Variants in ACAD11 observed in about 807,000 individuals in gnomAD.
ACAD11 encodes the protein acyl-Coenzyme A dehydrogenase family, member 11.
A neutral mutation model predicts 102.2 loss-of-function variants in ACAD11; 83 were observed. The ratio of observed to expected loss-of-function variants is 0.81; its 90% CI spans 0.68 to 0.97. The LOEUF (loss-of-function observed/expected upper bound fraction) is 0.97. Among genes scored for constraint, ACAD11 ranks in the 50% least tolerant of loss-of-function variants. ACAD11 has a pLI of 0.00. For synonymous variants in ACAD11, 324 were observed against 319.8 expected (o/e 1.01, Z -0.14); for missense variants, 901 against 951.7 (o/e 0.95, Z 0.70).
At position 132,639,625 on chromosome 3, in the gene ACAD11, G is replaced by A. The variant is rs779611419; in HGVS notation, c.569C>T (p.Ala190Val). 1.4e-5 allele frequency: 23 copies of A among 1,613,314 alleles called. No individual in the cohort carries two copies. The highest frequency in any genetic ancestry group is 1.9e-5 in the Non-Finnish European group (22 of 1,179,684). The change falls in exon 5 of 20, where the codon GCA becomes GTA. Residue 190 changes from alanine (A) to valine (V), a missense_variant. Coordinates refer to ENST00000264990, the MANE Select transcript of ACAD11 (RefSeq NM_032169.5). ...VSTWTKQYQA[A>V]AHQDIPAMQQ... ...CATGGCAGGGATGTCCTGATGAGCT[G>A]CAGCTTGATATTGCTTTGTCCAGGT...
chr3:132,605,243 A>C, intron 11 of ACAD11, 38 bp from the exon 12 acceptor site: 1 of 1,501,064 alleles, frequency 6.7e-7, no homozygotes, highest in South Asian at 1.2e-5. Flanking sequence ...TGCATTTGAA[A>C]ATTTATCAGT....
At chr3:132,590,909 T>C (rs896091215) in intron 13 of ACAD11, among the ~76,000 whole-genome samples, 2 of 152,236 alleles carry the variant, frequency 1.3e-5, no homozygotes, top group Non-Finnish European at 2.9e-5. Flanking sequence ...TATTGGACCT[T>C]TGTCAGATAC....
At position 132,628,358 on chromosome 3, in the gene ACAD11, C is replaced by A; in HGVS notation, c.1052G>T (p.Gly351Val). 6.2e-7 allele frequency: 1 copy of A among 1,612,416 alleles called. No homozygotes were observed. The highest frequency in any genetic ancestry group is 1.1e-5 in the South Asian group (1 of 90,744). The stretch of plus-strand genomic sequence containing the variant: ...TCCTTACCGTTTGGAGAGTTGTAGT[C>A]CAGTTTCTGCCAGAGGTTGCACAAT... ...ANIVQPLAET[G>V]LQLSKRTFST... The change falls in exon 8 of 20, where the codon GGA (glycine) becomes GTA (valine). Residue 351 changes from glycine to valine, a missense_variant. By Grantham distance (109) the Gly-to-Val change is moderately radical. Transcript: ENST00000264990.
intron 5 of ACAD11, among the ~76,000 whole-genome samples, chr3:132,633,753 C>T (rs1039338318): frequency 1.3e-5 from 2 of 152,146 alleles, no homozygotes; most frequent in African/African-American, 4.8e-5. Flanking sequence ...AATAATACCA[C>T]ACATCTACAA....
At chr3:132,571,129 C>A (rs1394037892) in intron 17 of ACAD11, among the ~76,000 whole-genome samples, 1 of 152,130 alleles carries the variant, frequency 6.6e-6, no homozygotes, top group Non-Finnish European at 1.5e-5. Flanking sequence ...AGTGTATAAG[C>A]CTTCCTTTTT....
chr3:132,656,801 A>AT (rs1266501447), intron 1 of ACAD11, among the ~76,000 whole-genome samples: 2 of 151,196 alleles, frequency 1.3e-5, no homozygotes, highest in Non-Finnish European at 2.9e-5. Context: ...CTATTGTCAG[A>AT]TTTTTTAAAA....
At chr3:132,595,670 T>A (rs1938270124) in intron 13 of ACAD11, among the ~76,000 whole-genome samples, 1 of 152,074 alleles carries the variant, frequency 6.6e-6, no homozygotes, top group South Asian at 2.1e-4. Flanking sequence ...AAGACATACA[T>A]ACCGCCAACA....
At position 132,575,883 on chromosome 3, in the gene ACAD11, A is replaced by C. The variant is rs1346382052; in HGVS notation, c.1890T>G (p.Pro630=). Residue 630 remains proline, a synonymous_variant, in exon 17 of 20, where the codon CCT becomes CCG. Coordinates refer to ENST00000264990, the MANE Select transcript of ACAD11 (RefSeq NM_032169.5). The part of the protein sequence containing the change: ...GFEISQGRLG[P]GRIHHCMRTV... ...TTCTCATACAGTGGTGGATTCTGCC[A>C]GGTCCAAGGCGGCCTTGGGAAATTT... 3 of 1,613,996 alleles carry C rather than the reference A, an allele frequency of 1.9e-6. No homozygotes were observed. The Admixed American group carries it at 5.0e-5, about 27-fold the overall frequency.
chr3:132,588,006 T>C (rs1281392740), intron 13 of ACAD11, among the ~76,000 whole-genome samples: 2 of 152,184 alleles, frequency 1.3e-5, no homozygotes, highest in Admixed American at 1.3e-4. Context: ...CACTCTCCTC[T>C]GGTTCCTCAG....
At chr3:132,572,239 C>G (rs1937400673) in intron 17 of ACAD11, among the ~76,000 whole-genome samples, 2 of 151,980 alleles carry the variant, frequency 1.3e-5, no homozygotes, top group African/African-American at 4.8e-5. Context: ...AATCAACAAA[C>G]AAAAATCACT....
At chr3:132,597,818 T>C (rs988116306) in intron 13 of ACAD11, among the ~76,000 whole-genome samples, 2 of 152,138 alleles carry the variant, frequency 1.3e-5, no homozygotes, top group Non-Finnish European at 2.9e-5. Context: ...GGTTCAAGAT[T>C]TTCTGATGAA....
intron 17 of ACAD11, 132 bp from the exon 18 acceptor site, chr3:132,561,349 A>G: frequency 1.4e-6 from 1 of 716,866 alleles, no homozygotes; most frequent in Non-Finnish European, 2.5e-6. Context: ...TACTCTATGT[A>G]TTTTTAAATG....
chr3:132,573,064 A>G (rs138659708), intron 17 of ACAD11, among the ~76,000 whole-genome samples: 29 of 152,060 alleles, frequency 1.9e-4, no homozygotes, highest in African/African-American at 6.8e-4. Flanking sequence ...ATTTGTCCTA[A>G]TGCTCTCCCT....
intron 1 of ACAD11, among the ~76,000 whole-genome samples, chr3:132,659,039 A>G (rs1052147151): frequency 5.9e-5 from 9 of 152,134 alleles, no homozygotes; most frequent in African/African-American, 2.2e-4. Context: ...CTATTGTAAA[A>G]CATCAGACTA....
At chr3:132,570,478 AT>A (rs897402676) in intron 17 of ACAD11, among the ~76,000 whole-genome samples, 3 of 151,516 alleles carry the variant, frequency 2.0e-5, no homozygotes, top group African/African-American at 4.9e-5. Context: ...ATTTTATTTT[AT>A]TTTTTTTCTG....
At chr3:132,646,599 A>G (rs1940727089) in intron 1 of ACAD11, 1 of 152,242 alleles carries the variant, frequency 6.6e-6, no homozygotes, top group Non-Finnish European at 1.5e-5. Flanking sequence ...ATATATATCC[A>G]AGAGAACTGA....
At chr3:132,631,143 TAAAGTA>T (rs1477805924) in intron 6 of ACAD11, among the ~76,000 whole-genome samples, 192 bp downstream of exon 6, 1 of 151,006 alleles carries the variant, frequency 6.6e-6, no homozygotes, top group East Asian at 1.9e-4. Flanking sequence ...CCCTAAAACT[TAAAGTA>T]TAATAAAAAT....
intron 13 of ACAD11, among the ~76,000 whole-genome samples, chr3:132,586,179 A>G (rs994667170): frequency 2.0e-5 from 3 of 152,226 alleles, no homozygotes; most frequent in African/African-American, 7.2e-5. Flanking sequence ...TGATGAGTTC[A>G]TGTCCTTTGT....
intron 11 of ACAD11, among the ~76,000 whole-genome samples, chr3:132,608,529 T>C (rs1318120168): frequency 1.3e-5 from 2 of 151,138 alleles, no homozygotes; most frequent in Non-Finnish European, 3.0e-5. Flanking sequence ...CCAACAAAGA[T>C]AAAAAAAAGA....
Sources: gnomAD v4.1 joint callset for allele counts (sites outside exome capture counted in the v4.1 genomes callset) on GRCh38, gnomAD v4.1.1 for gene constraint, MANE v1.5 for transcripts, NCBI Gene and HGNC (gene_info 2026-07-23, HGNC 2026-07-21) for gene names.